The following FGGY variants were observed in gnomAD, a reference collection of about 807,000 sequenced individuals.
The protein encoded by FGGY is FGGY carbohydrate kinase domain-containing protein.
In FGGY, 72 loss-of-function variants were observed where a neutral mutation model predicts 71.3. The ratio of observed to expected loss-of-function variants is 1.01; its 90% confidence interval spans 0.84 to 1.23. The LOEUF (loss-of-function observed/expected upper bound fraction) is 1.23. FGGY is among the 50% of genes most tolerant of loss of function. FGGY has a pLI of 0.00. For synonymous variants in FGGY, 251 were observed against 250.3 expected (o/e 1.00, Z -0.02); for missense variants, 668 against 682.3 (o/e 0.98, Z 0.23).
At chr1:59,501,767 C>T (rs1570280676) in intron 6 of FGGY, among the ~76,000 whole-genome samples, 2 of 152,120 alleles carry the variant, frequency 1.3e-5, no homozygotes, top group East Asian at 1.9e-4. Flanking sequence ...AACTGAATTC[C>T]ACCACTGTGA....
chr1:59,536,511 G>A (rs1451590266), intron 7 of FGGY, among the ~76,000 whole-genome samples: 1 of 152,132 alleles, frequency 6.6e-6, no homozygotes, highest in African/African-American at 2.4e-5. Flanking sequence ...CCAAAGCCAG[G>A]CAGAGACACA....
intron 5 of FGGY, among the ~76,000 whole-genome samples, chr1:59,438,771 AT>A (rs1187678721): frequency 1.3e-5 from 2 of 152,196 alleles, no homozygotes; most frequent in African/African-American, 2.4e-5. Context: ...TTGGAAATGA[AT>A]TTATTTTGAC....
At chr1:59,451,283 T>C (rs1195074537) in intron 5 of FGGY, among the ~76,000 whole-genome samples, 1 of 152,040 alleles carries the variant, frequency 6.6e-6, no homozygotes, top group Non-Finnish European at 1.5e-5. Flanking sequence ...AAGGAACGTT[T>C]TCTGTGTACC....
chr1:59,382,366 C>T (rs1036195898), intron 5 of FGGY, among the ~76,000 whole-genome samples: 9 of 152,162 alleles, frequency 5.9e-5, no homozygotes, highest in African/African-American at 2.2e-4. Flanking sequence ...CAACCCCGAA[C>T]CTCCTTGCGG....
intron 4 of FGGY, among the ~76,000 whole-genome samples, chr1:59,348,404 G>T (rs919424975): frequency 6.6e-6 from 1 of 152,148 alleles, no homozygotes; most frequent in East Asian, 1.9e-4. Flanking sequence ...AGCACTTGCA[G>T]GTGGCTCCCA....
intron 4 of FGGY, among the ~76,000 whole-genome samples, chr1:59,374,081 C>G (rs1158964292): frequency 2.0e-5 from 3 of 152,112 alleles, no homozygotes; most frequent in South Asian, 2.1e-4. Flanking sequence ...AGAGCTTCTG[C>G]ACAGCAAAAG....
At chr1:59,493,275 A>G (rs2093934789) in intron 6 of FGGY, among the ~76,000 whole-genome samples, 1 of 152,142 alleles carries the variant, frequency 6.6e-6, no homozygotes, top group Non-Finnish European at 1.5e-5. Context: ...ATGATCCAGC[A>G]TTTCATTTCT....
intron 1 of FGGY, among the ~76,000 whole-genome samples, chr1:59,312,771 TG>T (rs1557506915): frequency 6.6e-6 from 1 of 152,190 alleles, no homozygotes; most frequent in African/African-American, 2.4e-5. Flanking sequence ...GTGTGGCTCT[TG>T]GAAGGTTATG....
intron 14 of FGGY, among the ~76,000 whole-genome samples, chr1:59,728,507 G>C (rs1200892664): frequency 1.3e-5 from 2 of 151,368 alleles, no homozygotes; most frequent in South Asian, 2.1e-4. Context: ...CTTTTATGTA[G>C]GTCCAAGTTT....
chr1:59,591,622 A>G (rs2096440858), intron 8 of FGGY, among the ~76,000 whole-genome samples: 1 of 152,214 alleles, frequency 6.6e-6, no homozygotes, highest in Non-Finnish European at 1.5e-5. Flanking sequence ...CAGAGCCCTC[A>G]GAAATAACAC....
chr1:59,585,362 A>G (rs2096267066), intron 8 of FGGY, among the ~76,000 whole-genome samples: 1 of 152,134 alleles, frequency 6.6e-6, no homozygotes, highest in South Asian at 2.1e-4. Flanking sequence ...CAGAAATAAT[A>G]CCACACATCT....
In FGGY at chr1:59,538,367, G is replaced by C. The variant is rs533507167; in HGVS notation, c.800-15757G>C. Among the ~76,000 whole-genome samples the C allele has an allele frequency of 2.0e-3, 305 of 151,972 alleles. 2 individuals carry two copies. Among genetic ancestry groups the C allele is most frequent in the African/African-American group, 6.5e-3 (268 of 41,394 alleles). On this transcript the variant is annotated intron_variant, in intron 7 of 15. Transcript: ENST00000303721. ...CAACAGGTGCTGGAGAGGATGTGGAGAAATAGGAACACTTTTACACTGTTG... is the reference window on the plus strand; with the variant it reads ...CAACAGGTGCTGGAGAGGATGTGGACAAATAGGAACACTTTTACACTGTTG...
At chr1:59,411,631 G>A (rs1010851699) in intron 5 of FGGY, among the ~76,000 whole-genome samples, 1 of 152,120 alleles carries the variant, frequency 6.6e-6, no homozygotes, top group Non-Finnish European at 1.5e-5. Flanking sequence ...GGAATGCTTT[G>A]TAGGTGGCTT....
At chr1:59,636,027 G>A (rs1249526430) in intron 10 of FGGY, among the ~76,000 whole-genome samples, 1 of 152,214 alleles carries the variant, frequency 6.6e-6, no homozygotes, top group African/African-American at 2.4e-5. Flanking sequence ...TTAGGGAATG[G>A]CAACTGGTGT....
chr1:59,652,762 C>T (rs1317235695), intron 11 of FGGY, among the ~76,000 whole-genome samples: 21 of 152,052 alleles, frequency 1.4e-4, no homozygotes, highest in African/African-American at 5.1e-4. Flanking sequence ...TCGTCAAAGT[C>T]ATTCTCCATC....
At chr1:59,333,518 A>G (rs1286520805) in intron 2 of FGGY, among the ~76,000 whole-genome samples, 2 of 152,222 alleles carry the variant, frequency 1.3e-5, no homozygotes, top group Admixed American at 1.3e-4. Flanking sequence ...TCACAAAGTT[A>G]TATAACTCGG....
intron 5 of FGGY, among the ~76,000 whole-genome samples, chr1:59,414,978 C>T (rs1009064736): frequency 6.6e-6 from 1 of 152,162 alleles, no homozygotes; most frequent in African/African-American, 2.4e-5. Context: ...TCTGGGCATT[C>T]TTTCTGTGTG....
intron 5 of FGGY, among the ~76,000 whole-genome samples, chr1:59,423,418 T>C (rs142552964): frequency 6.6e-6 from 1 of 152,160 alleles, no homozygotes; most frequent in African/African-American, 2.4e-5. Flanking sequence ...TCTGATACCG[T>C]GAAGATCAAT....
intron 14 of FGGY, among the ~76,000 whole-genome samples, chr1:59,712,899 G>A (rs1207111426): frequency 2.6e-5 from 4 of 152,140 alleles, no homozygotes; most frequent in African/African-American, 7.2e-5. Context: ...TTCTGCAGCC[G>A]GCTTGAATTT....
Sources: allele counts gnomAD v4.1 joint callset (sites outside exome capture counted in the v4.1 genomes callset), GRCh38; gene constraint gnomAD v4.1.1; transcripts MANE v1.5; gene names NCBI Gene and HGNC (gene_info 2026-07-23, HGNC 2026-07-21).